Variants in NRXN1 observed in about 807,000 individuals in gnomAD.
NRXN1 encodes the protein neurexin 1.
NRXN1 carries 39 observed loss-of-function variants against 150.9 expected under a neutral mutation model. That is an observed-to-expected ratio of 0.26 (90% CI 0.20 to 0.34). The LOEUF (loss-of-function observed/expected upper bound fraction) is 0.34. NRXN1 is among the 10% of genes least tolerant of loss of function. NRXN1 has a pLI of 1.00. For synonymous variants in NRXN1, 924 were observed against 757.0 expected (o/e 1.22, Z -3.62); for missense variants, 1,815 against 1,949.9 (o/e 0.93, Z 1.30).
intron 5 of NRXN1, among the ~76,000 whole-genome samples, chr2:50,769,305 C>T (rs1702730574): frequency 6.6e-6 from 1 of 152,048 alleles, no homozygotes; most frequent in Admixed American, 6.6e-5. Context: ...GATGGGTTAT[C>T]CAACTCAATC....
At chr2:50,491,247 T>A (rs370658938) in intron 15 of NRXN1, among the ~76,000 whole-genome samples, 45 of 152,220 alleles carry the variant, frequency 3.0e-4, no homozygotes, top group African/African-American at 1.0e-3. Flanking sequence ...AGTAGCAACA[T>A]GAAAAGGTAT....
intron 18 of NRXN1, among the ~76,000 whole-genome samples, chr2:50,139,744 G>T (rs569602016): frequency 6.6e-6 from 1 of 152,028 alleles, no homozygotes; most frequent in African/African-American, 2.4e-5. Flanking sequence ...CTTCTTACTC[G>T]ACTAGTCACA....
In NRXN1 at chr2:50,496,329, T is replaced by C. The variant is rs77013102; in HGVS notation, c.2880-234A>G. ...GAAACAGTGAAAATTATTTTTAAAA[T>C]CATGGTCTACATTTAACTTTATGAA... On this transcript the variant is annotated intron_variant, in intron 14 of 22. Transcript: ENST00000401669. Among the ~76,000 whole-genome samples the C allele has an allele frequency of 0.04, 6,071 of 152,232 alleles. 401 individuals carry two copies. The highest frequency in any genetic ancestry group is 0.14 in the African/African-American group (5,660 of 41,498).
chr2:50,659,145 G>A (rs1291777061), intron 5 of NRXN1, among the ~76,000 whole-genome samples: 5 of 151,984 alleles, frequency 3.3e-5, no homozygotes, highest in Non-Finnish European at 5.9e-5. Flanking sequence ...GTTCCATCAA[G>A]TAGGGAGGAT....
intron 2 of NRXN1, among the ~76,000 whole-genome samples, chr2:50,954,910 T>G (rs575722361): frequency 6.6e-6 from 1 of 152,122 alleles, no homozygotes; most frequent in Admixed American, 6.6e-5. Context: ...CTGGAGAGAT[T>G]GGTGTACAGC....
In NRXN1 at chr2:49,985,693, A is replaced by G. The variant is rs75398395; in HGVS notation, c.4129-41902T>C. ...GAGTTTACCTGCAGGACACATCACC[A>G]GTCACCTTCCCAGCAAGCTGGCTAC... On this transcript the variant is annotated intron_variant, in intron 21 of 22. Transcript: ENST00000401669. Among the ~76,000 whole-genome samples, 1,035 of 152,324 alleles carry G rather than the reference A, an allele frequency of 6.8e-3. 5 individuals are homozygous for G. The highest frequency in any genetic ancestry group is 0.014 in the Middle Eastern group (4 of 294).
chr2:50,141,232 G>C (rs910348762), intron 18 of NRXN1, among the ~76,000 whole-genome samples: 1 of 152,022 alleles, frequency 6.6e-6, no homozygotes, highest in Non-Finnish European at 1.5e-5. Context: ...ATTGGGCCAT[G>C]TGCTGGGAAA....
At chr2:50,018,381 C>A (rs543665397) in intron 21 of NRXN1, among the ~76,000 whole-genome samples, 3 of 152,248 alleles carry the variant, frequency 2.0e-5, no homozygotes, top group African/African-American at 7.2e-5. Flanking sequence ...ACTCAAAGAG[C>A]AAGCAGGGAC....
At chr2:50,923,773 T>C (rs936391160) in intron 3 of NRXN1, among the ~76,000 whole-genome samples, 16 of 151,852 alleles carry the variant, frequency 1.1e-4, no homozygotes, top group Admixed American at 2.6e-4. Context: ...TGAAACTTTA[T>C]TTGAGCTATA....
At chr2:50,264,768 CA>C (rs974488197) in intron 17 of NRXN1, among the ~76,000 whole-genome samples, 4 of 152,072 alleles carry the variant, frequency 2.6e-5, no homozygotes, top group South Asian at 4.1e-4. Flanking sequence ...ATTGTGGAAA[CA>C]TTTCAGTAAA....
chr2:50,484,468 G>T (rs189533933), intron 15 of NRXN1, among the ~76,000 whole-genome samples: 8 of 152,254 alleles, frequency 5.3e-5, no homozygotes, highest in Admixed American at 4.6e-4. Context: ...TCAGGGAAGT[G>T]TTAGGAACTT....
At chr2:50,393,258 C>T (rs549552953) in intron 17 of NRXN1, among the ~76,000 whole-genome samples, 4 of 152,104 alleles carry the variant, frequency 2.6e-5, no homozygotes, top group Non-Finnish European at 1.5e-5. Context: ...CTAAACATTA[C>T]GTCTGTTTTT....
At chr2:50,387,466 TAGC>T (rs1304951484) in intron 17 of NRXN1, among the ~76,000 whole-genome samples, 1 of 152,182 alleles carries the variant, frequency 6.6e-6, no homozygotes, top group Non-Finnish European at 1.5e-5. Context: ...ACAGAACTAA[TAGC>T]AGTCAGTTTC....
At chr2:50,526,303 G>T (rs2092950189) in intron 12 of NRXN1, among the ~76,000 whole-genome samples, 1 of 152,094 alleles carries the variant, frequency 6.6e-6, no homozygotes, top group African/African-American at 2.4e-5. Context: ...GATATCAATT[G>T]AGGTATTTCA....
At chr2:50,084,815 ATAAAG>A (rs1444586610) in intron 19 of NRXN1, among the ~76,000 whole-genome samples, 1 of 152,208 alleles carries the variant, frequency 6.6e-6, no homozygotes, top group Non-Finnish European at 1.5e-5. Flanking sequence ...CAAGTCATTG[ATAAAG>A]TAAGAACAAG....
intron 2 of NRXN1, among the ~76,000 whole-genome samples, chr2:50,957,329 A>T (rs1220043309): frequency 6.6e-6 from 1 of 152,176 alleles, no homozygotes; most frequent in Non-Finnish European, 1.5e-5. Flanking sequence ...AAGGGGAATC[A>T]TAATAACTTA....
chr2:50,212,299 CAAA>C (rs10668763), intron 18 of NRXN1, among the ~76,000 whole-genome samples: 3 of 108,336 alleles, frequency 2.8e-5, no homozygotes. Context: ...TTTGAATTTG[CAAA>C]AAAAAAAAAA....
At chr2:50,908,364 C>CACACACACACAT (rs1309293775) in intron 5 of NRXN1, among the ~76,000 whole-genome samples, 2 of 147,806 alleles carry the variant, frequency 1.4e-5, no homozygotes, top group African/African-American at 4.9e-5. Context: ...TTCACACATA[C>CACACACACACAT]ACACACACAC....
chr2:50,775,615 G>T (rs951825361), intron 5 of NRXN1, among the ~76,000 whole-genome samples: 2 of 152,046 alleles, frequency 1.3e-5, no homozygotes, highest in African/African-American at 4.8e-5. Flanking sequence ...AAAGACACGA[G>T]AGATAATTTA....
Sources: gnomAD v4.1 joint callset for allele counts (sites outside exome capture counted in the v4.1 genomes callset) on GRCh38, gnomAD v4.1.1 for gene constraint, MANE v1.5 for transcripts, NCBI Gene and HGNC (gene_info 2026-07-23, HGNC 2026-07-21) for gene names.